CNTNAP3B: variants seen among roughly 807,000 people sequenced by gnomAD.
CNTNAP3B encodes contactin associated protein family member 3B.
A neutral mutation model predicts 108.9 loss-of-function variants in CNTNAP3B; 25 were observed. The observed-to-expected ratio is 0.23, with a 90% CI of 0.17 to 0.32. CNTNAP3B has a LOEUF of 0.32. Among genes scored for constraint, CNTNAP3B ranks in the 10% least tolerant of loss-of-function variants. CNTNAP3B has a pLI of 1.00. For synonymous variants in CNTNAP3B, 103 were observed against 473.4 expected (o/e 0.22, Z 10.16); for missense variants, 252 against 1,210.4 (o/e 0.21, Z 11.75).
At position 42,111,152 on chromosome 9, in the gene CNTNAP3B, C is replaced by T. The variant is rs1461568478; in HGVS notation, c.86-6413G>A. Among the ~76,000 whole-genome samples the T allele has an allele frequency of 4.3e-5, 6 of 138,758 alleles. 1 individual carries two copies. The South Asian group carries it at 6.9e-4, about 16-fold the overall frequency. 91.0% of individuals were successfully genotyped at this position (138,758 alleles called of 152,430 possible). On this transcript the variant is annotated intron_variant, in intron 1 of 23. Coordinates refer to ENST00000377561, the MANE Select transcript of CNTNAP3B (RefSeq NM_001201380.3). ...CCTGTCCTACTGGAAAGGACTGGTT[C>T]CAGGATGGTCAGGAAGCCCACGCTG...
chr9:41,918,470 ACC>A (rs1208789918), intron 18 of CNTNAP3B, among the ~76,000 whole-genome samples: 1 of 144,662 alleles, frequency 6.9e-6, no homozygotes, highest in African/African-American at 2.7e-5. Flanking sequence ...ACATACACAC[ACC>A]CCCCAAATAT....
At chr9:41,951,010 T>C (rs1404858746) in intron 13 of CNTNAP3B, among the ~76,000 whole-genome samples, 1 of 107,736 alleles carries the variant, frequency 9.3e-6, no homozygotes, top group African/African-American at 3.4e-5. Flanking sequence ...CGCCTCGGCC[T>C]CCCGAAGTGT....
chr9:42,110,490 G>T (rs1488221006), intron 1 of CNTNAP3B, among the ~76,000 whole-genome samples: 1 of 133,374 alleles, frequency 7.5e-6, no homozygotes, highest in Non-Finnish European at 1.6e-5. Context: ...TCAACAGATG[G>T]TTACTGTGTT....
intron 1 of CNTNAP3B, among the ~76,000 whole-genome samples, chr9:42,115,244 A>G (rs1163216093): frequency 7.3e-6 from 1 of 136,822 alleles, no homozygotes; most frequent in East Asian, 2.2e-4. Flanking sequence ...AAGGCTAAGA[A>G]AATAGACAGG....
Position 42,123,967 on chromosome 9 carries a change from C to G in CNTNAP3B, c.85+5043G>C, listed in dbSNP as rs1401964803. On this transcript the variant is annotated intron_variant, in intron 1 of 23. Coordinates refer to ENST00000377561, the MANE Select transcript of CNTNAP3B (RefSeq NM_001201380.3). ...TCTGTGAATTAGAAGCAAGTAATATCCTCTGTTTTTATACTCTCAAAAAAT... is the reference window on the plus strand; with the variant it reads ...TCTGTGAATTAGAAGCAAGTAATATGCTCTGTTTTTATACTCTCAAAAAAT... Among the ~76,000 whole-genome samples, 2 of 125,258 alleles carry G rather than the reference C, an allele frequency of 1.6e-5. 1 individual carries two copies. Among genetic ancestry groups the G allele is most frequent in the Non-Finnish European group, 3.3e-5 (2 of 60,738 alleles). 82.2% of individuals were successfully genotyped at this position (125,258 alleles called of 152,430 possible). A position where few individuals can be genotyped will look rare whatever the true frequency, so the allele number is the denominator to read the frequency against.
intron 14 of CNTNAP3B, among the ~76,000 whole-genome samples, chr9:41,934,176 TAC>T (rs1273718365): frequency 1.9e-5 from 2 of 106,100 alleles, no homozygotes; most frequent in African/African-American, 3.9e-5. Context: ...CACATATATA[TAC>T]ACACACACAC....
chr9:41,947,766 GA>G (rs1824567856), intron 13 of CNTNAP3B, among the ~76,000 whole-genome samples: 1 of 152,170 alleles, frequency 6.6e-6, no homozygotes, highest in African/African-American at 2.4e-5. Flanking sequence ...CAGTAAGATT[GA>G]AAAACTTCTA....
intron 3 of CNTNAP3B, among the ~76,000 whole-genome samples, chr9:42,044,575 C>A (rs560899313): frequency 8.3e-6 from 1 of 121,150 alleles, no homozygotes; most frequent in East Asian, 2.9e-4. Context: ...AAACAAGGAG[C>A]GCACAGGCTG....
At chr9:42,103,550 C>A (rs1186213811) in intron 2 of CNTNAP3B, among the ~76,000 whole-genome samples, 1 of 105,112 alleles carries the variant, frequency 9.5e-6, no homozygotes, top group Non-Finnish European at 1.9e-5. Flanking sequence ...GGTGAAACCC[C>A]GTCCCTGCTA....
intron 18 of CNTNAP3B, among the ~76,000 whole-genome samples, chr9:41,919,413 C>A (rs1367100875): frequency 1.3e-5 from 2 of 152,078 alleles, no homozygotes; most frequent in African/African-American, 4.8e-5. Flanking sequence ...CACGCCCAGC[C>A]CTTTTCTTTT....
At chr9:41,924,956 C>G (rs1336771109) in intron 15 of CNTNAP3B, among the ~76,000 whole-genome samples, 10 of 151,978 alleles carry the variant, frequency 6.6e-5, no homozygotes, top group Admixed American at 5.2e-4. Flanking sequence ...GCATTTTTGT[C>G]AAAAATACCA....
intron 14 of CNTNAP3B, among the ~76,000 whole-genome samples, chr9:41,937,354 T>C (rs1824190493): frequency 6.6e-6 from 1 of 151,930 alleles, no homozygotes; most frequent in Non-Finnish European, 1.5e-5. Flanking sequence ...CTCAACCTTC[T>C]GACCTCAGGT....
chr9:42,118,821 A>G (rs1447177265), intron 1 of CNTNAP3B, among the ~76,000 whole-genome samples: 1 of 102,010 alleles, frequency 9.8e-6, no homozygotes, highest in Non-Finnish European at 2.0e-5. Flanking sequence ...AAGCAACTTC[A>G]GCAAAGTCTC....
At chr9:42,056,526 A>G (rs1827075305) in intron 3 of CNTNAP3B, among the ~76,000 whole-genome samples, 1 of 136,726 alleles carries the variant, frequency 7.3e-6, no homozygotes, top group South Asian at 2.4e-4. Flanking sequence ...AATTTTTTGT[A>G]TTTTTAGTAG....
intron 10 of CNTNAP3B, among the ~76,000 whole-genome samples, chr9:41,966,475 G>A (rs1454825289): frequency 6.6e-6 from 1 of 152,272 alleles, no homozygotes; most frequent in East Asian, 1.9e-4. Flanking sequence ...CCAACAGAGG[G>A]GAAGATGGCA....
intron 1 of CNTNAP3B, among the ~76,000 whole-genome samples, chr9:42,124,170 G>T: frequency 7.3e-6 from 1 of 136,638 alleles, no homozygotes. Context: ...AATCTCAAAT[G>T]TTTTTAGATT....
intron 14 of CNTNAP3B, among the ~76,000 whole-genome samples, chr9:41,935,272 T>A (rs1404369989): frequency 2.0e-5 from 3 of 152,144 alleles, no homozygotes; most frequent in Non-Finnish European, 4.4e-5. Flanking sequence ...GAGTTGCTGA[T>A]TACAGGGACA....
intron 14 of CNTNAP3B, among the ~76,000 whole-genome samples, chr9:41,934,125 AC>A (rs1824074566): frequency 1.6e-5 from 1 of 60,976 alleles, no homozygotes; most frequent in African/African-American, 8.7e-5. Flanking sequence ...ATATATATAC[AC>A]ACACATATAT....
At chr9:42,103,612 G>A (rs1828045694) in intron 2 of CNTNAP3B, among the ~76,000 whole-genome samples, 1 of 107,534 alleles carries the variant, frequency 9.3e-6, no homozygotes, top group Non-Finnish European at 1.9e-5. Context: ...GCGGGTGCCT[G>A]TAGTCCTAGC....
Sources: gnomAD v4.1 joint callset for allele counts (sites outside exome capture counted in the v4.1 genomes callset) on GRCh38, gnomAD v4.1.1 for gene constraint, MANE v1.5 for transcripts, NCBI Gene and HGNC (gene_info 2026-07-23, HGNC 2026-07-21) for gene names.